Variants in SEC23B observed in about 807,000 individuals in gnomAD.
SEC23B encodes the protein protein transport protein Sec23B.
Under a neutral mutation model 104.3 loss-of-function variants are expected in SEC23B, and 77 were observed. That is an observed-to-expected ratio of 0.74 (90% confidence interval 0.61 to 0.89). SEC23B has a LOEUF of 0.89. Among genes scored for constraint, SEC23B ranks in the 40% least tolerant of loss-of-function variants. SEC23B has a pLI of 0.00. For missense variants in SEC23B, 885 were observed against 949.4 expected (o/e 0.93, Z 0.89); for synonymous variants, 338 against 332.5 (o/e 1.02, Z -0.18).
Position 18,510,932 on chromosome 20 carries a change from A to G in SEC23B, c.97A>G (p.Arg33Gly). 1 of 1,614,174 alleles carries G rather than the reference A, an allele frequency of 6.2e-7. No homozygotes were observed. The highest frequency in any genetic ancestry group is 1.1e-5 in the South Asian group (1 of 91,080). The change falls in exon 2 of 20, where the codon AGA becomes GGA. Residue 33 changes from arginine (R) to glycine (G), a missense_variant. Physicochemically the swap from Arg to Gly is moderately radical, Grantham distance 125 (BLOSUM62 -2). Coordinates refer to ENST00000650089, the MANE Select transcript of SEC23B (RefSeq NM_006363.6). ...GCCTTCCAGCCGGCTGGAGGCTACAAGAATGGTTGTACCCCTGGCTTGTCT... is the reference window on the plus strand; with the variant it reads ...GCCTTCCAGCCGGCTGGAGGCTACAGGAATGGTTGTACCCCTGGCTTGTCT... The part of the protein sequence containing the change: ...VWPSSRLEAT[R>G]MVVPLACLLT...
chr20:18,516,061 A>G, intron 4 of SEC23B: 1 of 305,598 alleles, frequency 3.3e-6, no homozygotes, highest in South Asian at 3.2e-5. Context: ...CATGTTCCAT[A>G]TCTAATTCAC....
intron 4 of SEC23B, among the ~76,000 whole-genome samples, chr20:18,522,923 C>T (rs991670271): frequency 5.9e-5 from 9 of 151,846 alleles, no homozygotes; most frequent in Admixed American, 2.0e-4. Context: ...AAAAATTAGC[C>T]GGGCGTGGTG....
intron 9 of SEC23B, among the ~76,000 whole-genome samples, chr20:18,529,028 G>A (rs148149542): frequency 6.6e-6 from 1 of 152,212 alleles, no homozygotes; most frequent in African/African-American, 2.4e-5. Flanking sequence ...ATTGTTTTCT[G>A]TTCTGAACAT....
intron 1 of SEC23B, among the ~76,000 whole-genome samples, chr20:18,509,221 T>C (rs2059960169): frequency 6.6e-6 from 1 of 152,216 alleles, no homozygotes; most frequent in South Asian, 2.1e-4. Flanking sequence ...ACAGATTTCT[T>C]AGAGTTTCAG....
At chr20:18,542,663 C>G (rs1037367059) in intron 13 of SEC23B, among the ~76,000 whole-genome samples, 1 of 152,164 alleles carries the variant, frequency 6.6e-6, no homozygotes, top group African/African-American at 2.4e-5. Flanking sequence ...TGGAGACAGT[C>G]TCGCTCTGTT....
chr20:18,530,896 C>A, intron 10 of SEC23B, 93 bp downstream of exon 10: 1 of 999,848 alleles, frequency 1.0e-6, no homozygotes, highest in Non-Finnish European at 1.5e-6. Flanking sequence ...CCCGCCTCAG[C>A]GTCCTAAAGT....
chr20:18,561,160 C>A lies in SEC23B; in HGVS notation c.*420C>A. 1 of 235,970 alleles carries A rather than the reference C, an allele frequency of 4.2e-6. No homozygotes were observed. The highest frequency in any genetic ancestry group is 5.3e-5 in the South Asian group (1 of 18,914). The allele number at this position is 235,970 out of a possible 1,614,324, so 14.6% of individuals were successfully genotyped here. A position where few individuals can be genotyped will look rare whatever the true frequency, so the allele number is the denominator to read the frequency against. ...AGTGTGTATGTGTTTTAAGTGACTT[C>A]CTTAAGAGGTGTTTCCTGAACCTAA... On this transcript the variant is annotated 3_prime_UTR_variant, in exon 20 of 20. Coordinates refer to ENST00000650089, the MANE Select transcript of SEC23B (RefSeq NM_006363.6).
chr20:18,507,808 T>C (rs1309494850), upstream of SEC23B: 1 of 152,354 alleles, frequency 6.6e-6, no homozygotes, highest in East Asian at 1.9e-4. Context: ...TCTGAGTCTC[T>C]CGCTTCCTCC....
intron 14 of SEC23B, among the ~76,000 whole-genome samples, chr20:18,545,604 G>A (rs901240720): frequency 3.3e-5 from 5 of 152,184 alleles, no homozygotes; most frequent in Non-Finnish European, 7.3e-5. Context: ...ACATCAAAGC[G>A]TAACTATAAT....
chr20:18,542,235 C>T (rs2060293550), intron 12 of SEC23B, 61 bp from the exon 13 acceptor site: 1 of 1,381,530 alleles, frequency 7.2e-7, no homozygotes, highest in South Asian at 1.2e-5. Flanking sequence ...GTACAGTGGG[C>T]TCTGTGACCG....
intron 4 of SEC23B, among the ~76,000 whole-genome samples, chr20:18,518,439 T>C (rs1301522530): frequency 2.0e-5 from 3 of 152,070 alleles, no homozygotes; most frequent in African/African-American, 7.2e-5. Context: ...GATGGAACAC[T>C]GAGAAGTGAT....
At chr20:18,512,883 C>T (rs1000472633) in intron 3 of SEC23B, among the ~76,000 whole-genome samples, 2 of 152,084 alleles carry the variant, frequency 1.3e-5, no homozygotes, top group East Asian at 3.9e-4. Flanking sequence ...AACCCCATCT[C>T]TACTAAAAAT....
intron 16 of SEC23B, among the ~76,000 whole-genome samples, chr20:18,550,854 C>T (rs1201333644): frequency 6.6e-6 from 1 of 152,082 alleles, no homozygotes; most frequent in East Asian, 1.9e-4. Context: ...CATTAATCTC[C>T]GTTCTCAATT....
chr20:18,530,833 G>A, intron 10 of SEC23B, 30 bp downstream of exon 10: 1 of 1,561,288 alleles, frequency 6.4e-7, no homozygotes, highest in Non-Finnish European at 8.8e-7. Flanking sequence ...TTTTTTATGT[G>A]GACTCACTGT....
Position 18,548,604 on chromosome 20 carries a change from T to C in SEC23B, c.1744-5T>C. 6.2e-7 allele frequency: 1 copy of C among 1,613,676 alleles called. No homozygotes were observed. The highest frequency in any genetic ancestry group is 1.3e-5 in the African/African-American group (1 of 75,052). On this transcript the variant is annotated splice_region_variant and splice_polypyrimidine_tract_variant and intron_variant, in intron 15 of 19. Transcript: ENST00000650089. ...CATTTCTCTTTCCGTTCTTTGTGAATGCAGTTTATGTTCCATCTGAGAAGA... is the reference window on the plus strand; with the variant it reads ...CATTTCTCTTTCCGTTCTTTGTGAACGCAGTTTATGTTCCATCTGAGAAGA...
At chr20:18,555,219 T>C (rs1568625975) in intron 19 of SEC23B, 46 bp downstream of exon 19, 2 of 1,492,594 alleles carry the variant, frequency 1.3e-6, no homozygotes, top group Non-Finnish European at 1.9e-6. Context: ...GCTAGTTTTT[T>C]TTTAAACTTG....
intron 4 of SEC23B, among the ~76,000 whole-genome samples, chr20:18,516,352 T>C (rs1028650052): frequency 6.6e-6 from 1 of 151,904 alleles, no homozygotes; most frequent in Non-Finnish European, 1.5e-5. Context: ...TCAATGAATA[T>C]AGCTGTTCAA....
intron 14 of SEC23B, among the ~76,000 whole-genome samples, chr20:18,545,667 A>G (rs1308631875): frequency 6.6e-6 from 1 of 152,142 alleles, no homozygotes; most frequent in Non-Finnish European, 1.5e-5. Flanking sequence ...TGCCTGGAAG[A>G]GCTCACCTAG....
In SEC23B at chr20:18,543,150, T is replaced by C; in HGVS notation, c.1643T>C (p.Leu548Pro). ...SEEGPDVLRWLDRQLIRLCQK... is the reference protein window; with the variant it reads ...SEEGPDVLRWPDRQLIRLCQK... Reference sequence around the variant, plus strand: ...GAGGGGCCCGATGTGCTCCGGTGGCTGGACCGACAACTCATCCGACTGGTA... The same window carrying C: ...GAGGGGCCCGATGTGCTCCGGTGGCCGGACCGACAACTCATCCGACTGGTA... Residue 548 changes from leucine (L) to proline (P), a missense_variant, in exon 14 of 20, where the codon CTG (leucine) becomes CCG (proline). By Grantham distance (98) the Leu-to-Pro change is moderately conservative (BLOSUM62 -3). Transcript: ENST00000650089. 6.2e-7 allele frequency: 1 copy of C among 1,614,202 alleles called. No individual in the cohort carries two copies. The highest frequency in any genetic ancestry group is 8.5e-7 in the Non-Finnish European group (1 of 1,180,028).
Sources: allele counts gnomAD v4.1 joint callset (sites outside exome capture counted in the v4.1 genomes callset), GRCh38; gene constraint gnomAD v4.1.1; transcripts MANE v1.5; gene names NCBI Gene and HGNC (gene_info 2026-07-23, HGNC 2026-07-21).